The following FRMPD4 variants were observed in gnomAD, a reference collection of about 807,000 sequenced individuals.
FRMPD4 encodes the protein FERM and PDZ domain containing 4.
Under a neutral mutation model 94.1 loss-of-function variants are expected in FRMPD4, and 22 were observed. The observed-to-expected ratio is 0.23, with a 90% CI of 0.17 to 0.33. The LOEUF (loss-of-function observed/expected upper bound fraction) is 0.33, where lower values mean the gene tolerates loss of function less well. Among genes scored for constraint, FRMPD4 ranks in the 10% least tolerant of loss-of-function variants. The probability of loss-of-function intolerance (pLI) is 1.00; values close to 1 mark genes in which losing one functional copy is unlikely to be tolerated. For synonymous variants in FRMPD4, 631 were observed against 548.6 expected, an observed-to-expected ratio of 1.15 and a Z score of -2.10; for missense variants, 1,111 against 1,339.9, an observed-to-expected ratio of 0.83 and a Z score of 2.67.
chrX:12,276,216 A>G (rs1412995790), intron 1 of FRMPD4, among the ~76,000 whole-genome samples: 1 of 112,722 alleles, frequency 8.9e-6, no homozygotes, highest in Non-Finnish European at 1.9e-5. Flanking sequence ...CTGTCCATGA[A>G]AAGAGTCAAA....
intron 1 of FRMPD4, among the ~76,000 whole-genome samples, chrX:12,475,953 G>T (rs2057592039): frequency 9.0e-6 from 1 of 111,451 alleles, no homozygotes; most frequent in Admixed American, 9.5e-5. Context: ...CACAGAATTG[G>T]AAAAAGCTAC....
intron 4 of FRMPD4, among the ~76,000 whole-genome samples, chrX:12,633,603 A>G (rs1051321210): frequency 1.8e-5 from 2 of 112,325 alleles, no homozygotes; most frequent in Middle Eastern, 4.6e-3. Flanking sequence ...GAAATGAGAT[A>G]TTTCTTACAA....
chrX:12,165,089 A>G (rs756716720), intron 1 of FRMPD4, among the ~76,000 whole-genome samples: 2 of 111,011 alleles, frequency 1.8e-5, no homozygotes, highest in East Asian at 5.6e-4. Context: ...TTTTGTTGCC[A>G]TTGCTTTTGG....
At chrX:11,955,488 A>G (rs2054250836) in intron 3 of FRMPD4, among the ~76,000 whole-genome samples, 1 of 109,691 alleles carries the variant, frequency 9.1e-6, no homozygotes, top group Admixed American at 9.8e-5. Context: ...AAATAAATGT[A>G]TGTATGTATG....
intron 2 of FRMPD4, among the ~76,000 whole-genome samples, chrX:12,546,177 C>CTTTTTTTTTTTTTTTTTT (rs11321204): frequency 1.1e-5 from 1 of 91,941 alleles, no homozygotes. Context: ...TGCCAACTGT[C>CTTTTTTTTTTTTTTTTTT]TTTTTTTTTT....
At chrX:11,961,705 G>A (rs2054284401) in intron 3 of FRMPD4, among the ~76,000 whole-genome samples, 1 of 109,828 alleles carries the variant, frequency 9.1e-6, no homozygotes, top group Non-Finnish European at 1.9e-5. Context: ...TTGAGTGTGA[G>A]TCAAACACCA....
chrX:12,400,190 A>G (rs1361830563), intron 1 of FRMPD4, among the ~76,000 whole-genome samples: 11 of 112,279 alleles, frequency 9.8e-5, no homozygotes, highest in African/African-American at 3.6e-4. Context: ...TTGAGGTTAG[A>G]TGAAGTCCAT....
At chrX:11,994,053 T>C (rs1192073651) in intron 3 of FRMPD4, among the ~76,000 whole-genome samples, 1 of 111,483 alleles carries the variant, frequency 9.0e-6, no homozygotes, top group Non-Finnish European at 1.9e-5. Context: ...AGACCAGTGC[T>C]TCTCAACTGA....
At chrX:12,558,365 G>T (rs1273992347) in intron 2 of FRMPD4, among the ~76,000 whole-genome samples, 1 of 112,668 alleles carries the variant, frequency 8.9e-6, no homozygotes, top group Non-Finnish European at 1.9e-5. Flanking sequence ...AAAAGAAAAA[G>T]AAAAGAAAAT....
chrX:11,956,883 G>C (rs2054259805), intron 3 of FRMPD4, among the ~76,000 whole-genome samples: 1 of 112,219 alleles, frequency 8.9e-6, no homozygotes, highest in African/African-American at 3.2e-5. Context: ...GTGGTGCTCA[G>C]AGTCAATCAG....
chrX:11,885,388 T>TG (rs1327669686), intron 3 of FRMPD4, among the ~76,000 whole-genome samples: 1 of 110,440 alleles, frequency 9.1e-6, no homozygotes, highest in Non-Finnish European at 1.9e-5. Context: ...TGACAGGGGC[T>TG]GGGGGGTGGA....
chrX:12,224,959 A>G (rs779135874), intron 1 of FRMPD4, among the ~76,000 whole-genome samples: 2 of 111,892 alleles, frequency 1.8e-5, no homozygotes, highest in African/African-American at 6.5e-5. Flanking sequence ...GTTGTACCAA[A>G]GATAGTCTTT....
rs765472737 is a variant in FRMPD4 at position 12,717,646 on chromosome X, C to T, written c.2820C>T (p.His940=). The T allele has an allele frequency of 6.3e-5, 76 of 1,209,398 alleles. No individual in the cohort carries two copies. The highest frequency in any genetic ancestry group is 8.2e-5 in the Non-Finnish European group (73 of 894,451). ...TCTCCCGCATGTTCTTGGCCACTCA[C>T]GAAGGCTACCACCCCCTTGCAGAAG... ...ENLSRMFLAT[H]EGYHPLAEEQ... is the part of the protein sequence containing the mutation. The change falls in exon 16 of 17, where the codon CAC becomes CAT. Residue 940 remains histidine (H), a synonymous_variant. Coordinates refer to ENST00000675598, the MANE Select transcript of FRMPD4 (RefSeq NM_001368397.1).
chrX:12,660,141 A>G (rs2059699619), intron 4 of FRMPD4, among the ~76,000 whole-genome samples: 1 of 112,450 alleles, frequency 8.9e-6, no homozygotes, highest in Admixed American at 9.5e-5. Context: ...TAAAATGTGA[A>G]TTAGACTTTG....
At chrX:12,009,359 A>C (rs1225217527) in intron 3 of FRMPD4, among the ~76,000 whole-genome samples, 2 of 112,492 alleles carry the variant, frequency 1.8e-5, no homozygotes, top group Non-Finnish European at 3.8e-5. Flanking sequence ...TCCTACTTAT[A>C]TGTCAAAACA....
At chrX:11,930,001 G>A (rs917159999) in intron 3 of FRMPD4, among the ~76,000 whole-genome samples, 4 of 105,052 alleles carry the variant, frequency 3.8e-5, no homozygotes, top group Non-Finnish European at 7.8e-5. Context: ...CCAGCTACTC[G>A]GGAGGCTGAG....
At chrX:12,600,337 A>G (rs2059073982) in intron 2 of FRMPD4, among the ~76,000 whole-genome samples, 1 of 111,939 alleles carries the variant, frequency 8.9e-6, no homozygotes, top group African/African-American at 3.2e-5. Context: ...CCTTTTTATT[A>G]TATTTAACAA....
chrX:12,481,318 G>A (rs1481327437), intron 1 of FRMPD4, among the ~76,000 whole-genome samples: 1 of 111,534 alleles, frequency 9.0e-6, no homozygotes, highest in Non-Finnish European at 1.9e-5. Flanking sequence ...TCCTAGTAAA[G>A]AGTTTCCACA....
At chrX:12,217,259 T>C (rs948082812) in intron 1 of FRMPD4, among the ~76,000 whole-genome samples, 1 of 111,787 alleles carries the variant, frequency 8.9e-6, no homozygotes, top group Non-Finnish European at 1.9e-5. Context: ...GGAAGTAAGC[T>C]GCTTCAGGGT....
Sources: allele counts gnomAD v4.1 joint callset (sites outside exome capture counted in the v4.1 genomes callset), GRCh38; gene constraint gnomAD v4.1.1; transcripts MANE v1.5; gene names NCBI Gene and HGNC (gene_info 2026-07-23, HGNC 2026-07-21).